DCAF8: variants seen among roughly 807,000 people sequenced by gnomAD.
DCAF8 encodes the protein DDB1 and CUL4 associated factor 8.
DCAF8 carries 20 observed loss-of-function variants against 68.0 expected under a neutral mutation model. That is an observed-to-expected ratio of 0.29 (90% CI 0.21 to 0.43). DCAF8 has a LOEUF of 0.43. DCAF8 is among the 20% of genes least tolerant of loss of function. The pLI, the probability that DCAF8 is intolerant of heterozygous loss-of-function variation, is 1.00. For missense variants in DCAF8, 460 were observed against 771.0 expected, an observed-to-expected ratio of 0.60 and a Z score of 4.78; for synonymous variants, 230 against 276.9, an observed-to-expected ratio of 0.83 and a Z score of 1.68.
At chr1:160,234,984 TG>T (rs1655820239) in intron 6 of DCAF8, among the ~76,000 whole-genome samples, 1 of 152,248 alleles carries the variant, frequency 6.6e-6, no homozygotes, top group Non-Finnish European at 1.5e-5. Flanking sequence ...CAGCTTTTTC[TG>T]GACTTAGCTC....
At chr1:160,243,247 T>G (rs1011445104) in intron 3 of DCAF8, among the ~76,000 whole-genome samples, 3 of 152,036 alleles carry the variant, frequency 2.0e-5, no homozygotes, top group African/African-American at 7.3e-5. Flanking sequence ...AGCCAGTGAT[T>G]TGACACTTGG....
chr1:160,260,097 A>C (rs972904696), intron 2 of DCAF8, among the ~76,000 whole-genome samples: 5 of 151,892 alleles, frequency 3.3e-5, no homozygotes, highest in South Asian at 2.1e-4. Context: ...AAAAAAAAAA[A>C]CCAAAAAACA....
chr1:160,227,176 C>G (rs1229367577), intron 7 of DCAF8, among the ~76,000 whole-genome samples: 6 of 152,164 alleles, frequency 3.9e-5, no homozygotes, highest in Non-Finnish European at 8.8e-5. Context: ...TGGAGAACAT[C>G]AGCATTTAAT....
chr1:160,219,048 A>G (rs535475353), intron 11 of DCAF8, 80 bp from the exon 12 acceptor site: 1 of 1,574,150 alleles, frequency 6.4e-7, no homozygotes, highest in East Asian at 2.2e-5. Flanking sequence ...CTTGAGCCAA[A>G]TAACTGCCCT....
chr1:160,260,040 G>A (rs1657020718), intron 2 of DCAF8, among the ~76,000 whole-genome samples: 1 of 150,696 alleles, frequency 6.6e-6, no homozygotes, highest in Admixed American at 6.6e-5. Context: ...TGTAAAAGAA[G>A]CATAAATTAA....
At chr1:160,224,340 C>A in intron 10 of DCAF8, 102 bp downstream of exon 10, 1 of 817,598 alleles carries the variant, frequency 1.2e-6, no homozygotes, top group Non-Finnish European at 2.0e-6. Context: ...GTGCCCATGG[C>A]AACACAGGCA....
intron 6 of DCAF8, among the ~76,000 whole-genome samples, chr1:160,233,849 G>A (rs182848210): frequency 1.0e-3 from 153 of 152,124 alleles, no homozygotes; most frequent in Non-Finnish European, 4.4e-5. Context: ...CTCTGCAGGG[G>A]GCATGCAGAG....
At chr1:160,231,588 A>G (rs2101729481) in intron 6 of DCAF8, among the ~76,000 whole-genome samples, 181 bp from the exon 7 acceptor site, 2 of 152,332 alleles carry the variant, frequency 1.3e-5, no homozygotes, top group East Asian at 3.9e-4. Flanking sequence ...AAGCACATAC[A>G]TTTATTATAT....
rs746909756 is a variant in DCAF8 at position 160,225,625 on chromosome 1, T to C, written c.1109A>G (p.Asn370Ser). ...DQRKIDENEN[N>S]GVLKKFCPHH... ...AGGACAGAACTTCTTGAGTACTCCA[T>C]TGTTCTCATTCTCATCAATTTTCCT... is the stretch of plus-strand genomic sequence containing the variant. The change falls in exon 8 of 14, where the codon AAT (asparagine) becomes AGT (serine). Residue 370 changes from asparagine to serine, a missense_variant. Asn to Ser is a conservative substitution (Grantham distance 46). Around this residue, in one of 8 missense-constraint regions of DCAF8, gnomAD observed 170 missense variants for 318.2 expected, o/e 0.53. Transcript: ENST00000368074. 3.5e-5 allele frequency: 56 copies of C among 1,613,790 alleles called. No individual in the cohort carries two copies. Among genetic ancestry groups the C allele is most frequent in the African/African-American group, 9.3e-5 (7 of 74,926 alleles).
intron 13 of DCAF8, 108 bp downstream of exon 13, chr1:160,218,216 A>C: frequency 1.2e-6 from 1 of 830,140 alleles, no homozygotes; most frequent in Non-Finnish European, 2.1e-6. Flanking sequence ...AGTGGATAGG[A>C]AATCCGACCA....
At position 160,238,619 on chromosome 1, in the gene DCAF8, T is replaced by C. The variant is rs767571486; in HGVS notation, c.852A>G (p.Gly284=). Residue 284 remains glycine, a synonymous_variant, in exon 5 of 14, where the codon GGA becomes GGG. Transcript: ENST00000368074. ...AGGTCTTACTTACCTTGTGGGACGC[T>C]CCCTTGTGCTGGGCCACACGTTTTG... is the stretch of plus-strand genomic sequence containing the variant. ...KNTKRVAQHK[G]ASHKLALEPD... 6.2e-7 allele frequency: 1 copy of C among 1,604,364 alleles called. No homozygotes were observed. Among genetic ancestry groups the C allele is most frequent in the Non-Finnish European group, 8.5e-7 (1 of 1,176,174 alleles).
chr1:160,249,509 A>G (rs542752436), intron 2 of DCAF8, among the ~76,000 whole-genome samples: 4 of 152,228 alleles, frequency 2.6e-5, no homozygotes, highest in Non-Finnish European at 4.4e-5. Context: ...TCAGGAATTT[A>G]TACAAGAAAA....
intron 2 of DCAF8, among the ~76,000 whole-genome samples, chr1:160,250,217 A>G (rs1006341617): frequency 6.6e-5 from 10 of 152,174 alleles, no homozygotes; most frequent in African/African-American, 1.9e-4. Flanking sequence ...TAATCCCAAC[A>G]CTTTGGGAGG....
At chr1:160,253,150 T>C (rs1026829305) in intron 2 of DCAF8, among the ~76,000 whole-genome samples, 2 of 151,992 alleles carry the variant, frequency 1.3e-5, no homozygotes, top group South Asian at 2.1e-4. Flanking sequence ...GAGAGAAAAA[T>C]TGAGAAGAAC....
intron 2 of DCAF8, among the ~76,000 whole-genome samples, chr1:160,249,833 A>T (rs1177419616): frequency 6.6e-6 from 1 of 152,268 alleles, no homozygotes; most frequent in Non-Finnish European, 1.5e-5. Flanking sequence ...AACTACTGAT[A>T]CAAGCAACAA....
chr1:160,247,209 A>C (rs1656375462), intron 2 of DCAF8, among the ~76,000 whole-genome samples: 1 of 152,220 alleles, frequency 6.6e-6, no homozygotes, highest in Non-Finnish European at 1.5e-5. Flanking sequence ...GTTTAATTAG[A>C]TTAGCTCCAC....
chr1:160,237,786 C>A (rs1364853316), intron 5 of DCAF8, among the ~76,000 whole-genome samples: 1 of 152,140 alleles, frequency 6.6e-6, no homozygotes, highest in Non-Finnish European at 1.5e-5. Context: ...GCAGTCCTCC[C>A]ACCTCAGCCT....
intron 6 of DCAF8, among the ~76,000 whole-genome samples, chr1:160,233,563 T>C (rs1655767682): frequency 6.6e-6 from 1 of 152,164 alleles, no homozygotes; most frequent in Non-Finnish European, 1.5e-5. Context: ...TGCTCTAATA[T>C]GAGTTTTAGA....
rs78822508 is a variant in DCAF8 at position 160,257,347 on chromosome 1, G to C, written c.-27+3938C>G. Among the ~76,000 whole-genome samples, 274 of 151,984 alleles carry C rather than the reference G, an allele frequency of 1.8e-3. 4 individuals carry two copies. The East Asian group carries it at 0.027, about 15-fold the overall frequency. ...CCAATGTTATGCAATAAAAAGTCTGGTTTGGATACCGTTATTTCTCTTTTA... is the reference window on the plus strand; with the variant it reads ...CCAATGTTATGCAATAAAAAGTCTGCTTTGGATACCGTTATTTCTCTTTTA... On this transcript the variant is annotated intron_variant, in intron 2 of 13. Coordinates refer to ENST00000368074, the MANE Select transcript of DCAF8 (RefSeq NM_015726.4).
Sources: allele counts gnomAD v4.1 joint callset (sites outside exome capture counted in the v4.1 genomes callset), GRCh38; gene constraint gnomAD v4.1.1; regional missense constraint gnomAD v4.1.1; transcripts MANE v1.5; gene names NCBI Gene and HGNC (gene_info 2026-07-23, HGNC 2026-07-21).